Variants in MUC5B observed in about 807,000 individuals in gnomAD.
MUC5B encodes the protein mucin-5B.
In MUC5B, 116 loss-of-function variants were observed where a neutral mutation model predicts 376.9. The observed-to-expected ratio is 0.31, with a 90% CI of 0.26 to 0.36. MUC5B has a LOEUF of 0.36. Ranked by LOEUF, MUC5B falls within the 10% of genes least tolerant of loss-of-function variation. MUC5B has a pLI of 1.00. For missense variants in MUC5B, 7,165 were observed against 7,769.9 expected (o/e 0.92, Z 2.93); for synonymous variants, 3,517 against 3,390.9 (o/e 1.04, Z -1.29).
chr11:1,255,320 T>G, intron 36 of MUC5B, 54 bp downstream of exon 36: 1 of 1,514,372 alleles, frequency 6.6e-7, no homozygotes, highest in South Asian at 1.2e-5. Context: ...CCCGCCCGCA[T>G]GCACGCACGC....
At position 1,245,543 on chromosome 11, in the gene MUC5B, C is replaced by T. The variant is rs1002011208; in HGVS notation, c.8663C>T (p.Pro2888Leu). Reference sequence around the variant, plus strand: ...TGGCTGGACTACAGCTACCCCATGCCGGGGCCCTCTGGCGGGGACTTTGAC... The same window carrying T: ...TGGCTGGACTACAGCTACCCCATGCTGGGGCCCTCTGGCGGGGACTTTGAC... The part of the protein sequence containing the change: ...SEWLDYSYPM[P>L]GPSGGDFDTY... Residue 2888 changes from proline (P) to leucine (L), a missense_variant, in exon 31 of 49, where the codon CCG becomes CTG. Physicochemically the swap from Pro to Leu is moderately conservative, Grantham distance 98 (BLOSUM62 -3). Around this residue, in one of 31 missense-constraint regions of MUC5B, gnomAD observed 57 missense variants for 167.2 expected, o/e 0.34. Transcript: ENST00000529681. 2.2e-5 allele frequency: 34 copies of T among 1,556,188 alleles called. 2 individuals are homozygous for T. In the Admixed American group the frequency reaches 2.8e-4, roughly 13 times the overall value.
In MUC5B at chr11:1,250,217, C is replaced by A. The variant is rs772939463; in HGVS notation, c.13337C>A (p.Thr4446Asn). ...GCCACCCCGTCCTCCACCCCAGGGACCACCTGGATCCTCACAGAGCCGAGC... is the reference window on the plus strand; with the variant it reads ...GCCACCCCGTCCTCCACCCCAGGGAACACCTGGATCCTCACAGAGCCGAGC... The part of the protein sequence containing the change: ...STATPSSTPG[T>N]TWILTEPSTT... Residue 4446 changes from threonine (T) to asparagine (N), a missense_variant, in exon 31 of 49, where the codon ACC (threonine) becomes AAC (asparagine). Thr to Asn is a moderately conservative substitution (Grantham distance 65, BLOSUM62 0). Transcript: ENST00000529681. 2.5e-6 allele frequency: 4 copies of A among 1,609,372 alleles called. No homozygotes were observed. The Admixed American group carries it at 5.0e-5, about 20-fold the overall frequency.
In MUC5B at chr11:1,257,640, C is replaced by T; in HGVS notation, c.16380C>T (p.Cys5460=). 6.3e-7 allele frequency: 1 copy of T among 1,597,992 alleles called. No homozygotes were observed. The highest frequency in any genetic ancestry group is 8.5e-7 in the Non-Finnish European group (1 of 1,177,916). ...PCDAQGQPPP[C]NRPGFVTVTR... ...ACGCCCAGGGTCAGCCCCCGCCGTG[C>T]AACCGTCCCGGCTTCGTAACCGTGA... Residue 5460 remains cysteine (C), a synonymous_variant, in exon 41 of 49, where the codon TGC becomes TGT. Coordinates refer to ENST00000529681, the MANE Select transcript of MUC5B (RefSeq NM_002458.3). The surrounding 1 kb of genome is among the most constrained non-coding windows in gnomAD (Gnocchi z 8.9).
chr11:1,232,997 G>A lies in MUC5B; in HGVS notation c.2066-16G>A. On this transcript the variant is annotated splice_polypyrimidine_tract_variant and intron_variant, in intron 17 of 48. Coordinates refer to ENST00000529681, the MANE Select transcript of MUC5B (RefSeq NM_002458.3). ...CTCGGCCGCTGACCTGTCCCCCCTG[G>A]CCCCACCGACCACAGCCAAGTACAT... is the stretch of plus-strand genomic sequence containing the variant. 1 of 1,563,758 alleles carries A rather than the reference G, an allele frequency of 6.4e-7. No individual in the cohort carries two copies. The highest frequency in any genetic ancestry group is 8.6e-7 in the Non-Finnish European group (1 of 1,158,270).
At position 1,234,398 on chromosome 11, in the gene MUC5B, T is replaced by A; in HGVS notation, c.2478+93T>A. 2.7e-6 allele frequency: 4 copies of A among 1,495,780 alleles called. No individual in the cohort carries two copies. 92.7% of individuals were successfully genotyped at this position (1,495,780 alleles called of 1,614,324 possible). A position where few individuals can be genotyped will look rare whatever the true frequency, so the allele number is the denominator to read the frequency against. On this transcript the variant is annotated intron_variant, in intron 20 of 48. Coordinates refer to ENST00000529681, the MANE Select transcript of MUC5B (RefSeq NM_002458.3). The surrounding 1 kb of genome is among the most constrained non-coding windows in gnomAD (Gnocchi z 6.3). ...GGGATCTGGTGGTCCTGGAGACACT[T>A]ACCCACCTGGAAGCTCCGCCCTGGC...
rs372174388 is a variant in MUC5B, at chr11:1,251,298, G to A, written c.14418G>A (p.Thr4806=). The A allele has an allele frequency of 1.4e-5, 22 of 1,611,304 alleles. No individual in the cohort carries two copies. Among genetic ancestry groups the A allele is most frequent in the Middle Eastern group, 1.6e-4 (1 of 6,062 alleles). The change falls in exon 31 of 49, where the codon ACG becomes ACA. Residue 4806 remains threonine (T), a synonymous_variant. Coordinates refer to ENST00000529681, the MANE Select transcript of MUC5B (RefSeq NM_002458.3). The stretch of plus-strand genomic sequence containing the variant: ...CCATGACAAGGGCCACCAATTCCAC[G>A]GCCACACCCTCCTCCACTCTGGGGA... The part of the protein sequence containing the change: ...TATMTRATNS[T]ATPSSTLGTT...
In MUC5B at chr11:1,242,642, G is replaced by C; in HGVS notation, c.5762G>C (p.Gly1921Ala). 6.2e-7 allele frequency: 1 copy of C among 1,613,500 alleles called. No individual in the cohort carries two copies. The highest frequency in any genetic ancestry group is 8.5e-7 in the Non-Finnish European group (1 of 1,179,726). ...TTTATTTAST[G>A]STATPTSTLR... Reference sequence around the variant, plus strand: ...ACAGCCACTACGACTGCGTCCACTGGATCCACGGCCACCCCGACCTCCACC... The same window carrying C: ...ACAGCCACTACGACTGCGTCCACTGCATCCACGGCCACCCCGACCTCCACC... The change falls in exon 31 of 49, where the codon GGA becomes GCA. Residue 1921 changes from glycine (G) to alanine (A), a missense_variant. By Grantham distance (60) the Gly-to-Ala change is moderately conservative (BLOSUM62 0). This residue lies in a region of MUC5B where 897 missense variants were observed against 779.6 expected (regional missense o/e 1.15). Transcript: ENST00000529681.
Position 1,231,002 on chromosome 11 carries a change from G to A in MUC5B, c.1537G>A (p.Ala513Thr). 1 of 1,591,712 alleles carries A rather than the reference G, an allele frequency of 6.3e-7. No individual in the cohort carries two copies. The highest frequency in any genetic ancestry group is 8.5e-7 in the Non-Finnish European group (1 of 1,170,330). ...NSIYTQLPLS[A>T]ANITLFTPSS... Reference sequence around the variant, plus strand: ...CATCTACACGCAGCTGCCCCTGTCGGCAGGTATGTGGCTCTCCCAGGACGG... The same window carrying A: ...CATCTACACGCAGCTGCCCCTGTCGACAGGTATGTGGCTCTCCCAGGACGG... The change falls in exon 13 of 49, where the codon GCA becomes ACA. Residue 513 changes from alanine to threonine, a missense_variant. Ala to Thr is a moderately conservative substitution (Grantham distance 58). Around this residue, in one of 31 missense-constraint regions of MUC5B, gnomAD observed 640 missense variants for 733.0 expected, o/e 0.87. Coordinates refer to ENST00000529681, the MANE Select transcript of MUC5B (RefSeq NM_002458.3).
chr11:1,229,047 G>C, intron 8 of MUC5B, 123 bp from the exon 9 acceptor site: 14 of 1,237,326 alleles, frequency 1.1e-5, no homozygotes, highest in Non-Finnish European at 1.4e-5. Context: ...GGGCCACCCT[G>C]GGGCCTAGCT....
intron 31 of MUC5B, among the ~76,000 whole-genome samples, chr11:1,252,038 T>C (rs1030159740): frequency 4.6e-5 from 7 of 151,860 alleles, no homozygotes; most frequent in Admixed American, 4.6e-4. Context: ...CCATCCCCAC[T>C]GGCCACACTG....
Position 1,255,132 on chromosome 11 carries a change from C to G in MUC5B, c.15756C>G (p.Val5252=). 1 of 1,577,298 alleles carries G rather than the reference C, an allele frequency of 6.3e-7. No homozygotes were observed. Among genetic ancestry groups the G allele is most frequent in the African/African-American group, 1.4e-5 (1 of 74,030 alleles). ...AGGACATGGCCAAGACGTGGCTGGT[C>G]CCCGACAGCAGAAAGGATGGCTGCT... ...SCKDMAKTWL[V]PDSRKDGCWA... The change falls in exon 36 of 49, where the codon GTC becomes GTG. Residue 5252 remains valine, a synonymous_variant. Transcript: ENST00000529681.
Position 1,261,500 on chromosome 11 carries a change from C to T in MUC5B, c.17181C>T (p.His5727=), listed in dbSNP as rs1376894362. ...LHCPNGSAIL[H]TYTHVDECGC... ...GTCCTAACGGCTCAGCCATCCTGCA[C>T]ACCTACACCCACGTGGATGAGTGTG... The change falls in exon 49 of 49, where the codon CAC becomes CAT. Residue 5727 remains histidine, a synonymous_variant. Coordinates refer to ENST00000529681, the MANE Select transcript of MUC5B (RefSeq NM_002458.3). 6.3e-7 allele frequency: 1 copy of T among 1,599,820 alleles called. No individual in the cohort carries two copies. The highest frequency in any genetic ancestry group is 8.5e-7 in the Non-Finnish European group (1 of 1,174,410).
At position 1,249,311 on chromosome 11, in the gene MUC5B, T is replaced by C. The variant is rs544329786; in HGVS notation, c.12431T>C (p.Met4144Thr). The C allele has an allele frequency of 9.4e-4, 1,522 of 1,610,856 alleles. 10 individuals carry two copies. The highest frequency in any genetic ancestry group is 3.6e-4 in the East Asian group (16 of 44,878). Residue 4144 changes from methionine to threonine, a missense_variant, in exon 31 of 49, where the codon ATG becomes ACG. Around this residue, in one of 31 missense-constraint regions of MUC5B, gnomAD observed 47 missense variants for 88.4 expected, o/e 0.53. Transcript: ENST00000529681. Reference sequence around the variant, plus strand: ...GAGTGGCTGGACTACAGCTACCCCATGCCGGGGCCCTCTGGCGGGGACTTT... The same window carrying C: ...GAGTGGCTGGACTACAGCTACCCCACGCCGGGGCCCTCTGGCGGGGACTTT... ...WSEWLDYSYP[M>T]PGPSGGDFDT...
At chr11:1,254,389 T>TC in intron 34 of MUC5B, 38 bp downstream of exon 34, 1 of 1,590,998 alleles carries the variant, frequency 6.3e-7, no homozygotes, top group East Asian at 2.2e-5. Flanking sequence ...GTTGGCCCAG[T>TC]CCCAACCGCA....
In MUC5B at chr11:1,247,644, G is replaced by C; in HGVS notation, c.10764G>C (p.Pro3588=). 1.2e-6 allele frequency: 2 copies of C among 1,606,772 alleles called. No homozygotes were observed. Among genetic ancestry groups the C allele is most frequent in the Non-Finnish European group, 1.7e-6 (2 of 1,176,996 alleles). Residue 3588 remains proline, a synonymous_variant, in exon 31 of 49, where the codon CCG becomes CCC. Coordinates refer to ENST00000529681, the MANE Select transcript of MUC5B (RefSeq NM_002458.3). ...SEWLDYSYPM[P]GPSGGDFDTY... is the part of the protein sequence containing the mutation. The stretch of plus-strand genomic sequence containing the variant: ...GGCTGGACTACAGCTACCCCATGCC[G>C]GGGCCCTCTGGCGGGGACTTTGACA...
At position 1,230,529 on chromosome 11, in the gene MUC5B, C is replaced by G. The variant is rs779700720; in HGVS notation, c.1399C>G (p.Arg467Gly). Reference protein sequence around the residue: ...DSSFTVLAELRKCGLTDNENC... With the variant: ...DSSFTVLAELGKCGLTDNENC... ...CAGCTTCACCGTGCTGGCTGAGCTGCGGAAGTGCGGCCTGACGGACAACGA... is the reference window on the plus strand; with the variant it reads ...CAGCTTCACCGTGCTGGCTGAGCTGGGGAAGTGCGGCCTGACGGACAACGA... The change falls in exon 12 of 49, where the codon CGG becomes GGG. Residue 467 changes from arginine to glycine, a missense_variant. Transcript: ENST00000529681. 1.1e-5 allele frequency: 18 copies of G among 1,611,200 alleles called. No individual in the cohort carries two copies. The highest frequency in any genetic ancestry group is 2.7e-5 in the African/African-American group (2 of 74,940).
rs1862101356 is a variant in MUC5B at position 1,234,069 on chromosome 11, G to C, written c.2378-136G>C. The C allele has an allele frequency of 1.2e-6, 1 of 830,416 alleles. No homozygotes were observed. Among genetic ancestry groups the C allele is most frequent in the Non-Finnish European group, 2.0e-6 (1 of 510,662 alleles). The allele number at this position is 830,416 out of a possible 1,614,324, so 51.4% of individuals were successfully genotyped here. A position where few individuals can be genotyped will look rare whatever the true frequency, so the allele number is the denominator to read the frequency against. ...TGTGGCCGGGGTGTCCTGGGGTTGG[G>C]GGCTGCAGGTGTCATGGAAGCTTTG... On this transcript the variant is annotated intron_variant, in intron 19 of 48. Coordinates refer to ENST00000529681, the MANE Select transcript of MUC5B (RefSeq NM_002458.3). This position sits in a 1 kb window ranked among gnomAD's most constrained non-coding sequence, Gnocchi z 6.3.
Position 1,249,355 on chromosome 11 carries a change from C to T in MUC5B, c.12475C>T (p.Arg4159Cys), listed in dbSNP as rs577786693. The T allele has an allele frequency of 1.4e-5, 22 of 1,610,760 alleles. No individual in the cohort carries two copies. The highest frequency in any genetic ancestry group is 1.3e-4 in the Admixed American group (8 of 59,972). The part of the protein sequence containing the change: ...GGDFDTYSNI[R>C]AAGGAVCEQP... ...GGACTTTGACACCTACTCCAACATC[C>T]GTGCGGCCGGAGGGGCCGTCTGTGA... Residue 4159 changes from arginine to cysteine, a missense_variant, in exon 31 of 49, where the codon CGT becomes TGT. Physicochemically the swap from Arg to Cys is radical, Grantham distance 180 (BLOSUM62 -3). Around this residue, in one of 31 missense-constraint regions of MUC5B, gnomAD observed 47 missense variants for 88.4 expected, o/e 0.53. Coordinates refer to ENST00000529681, the MANE Select transcript of MUC5B (RefSeq NM_002458.3).
At position 1,258,281 on chromosome 11, in the gene MUC5B, G is replaced by A. The variant is rs761229136; in HGVS notation, c.16556-49G>A. 13 of 1,603,732 alleles carry A rather than the reference G, an allele frequency of 8.1e-6. No homozygotes were observed. Among genetic ancestry groups the A allele is most frequent in the Non-Finnish European group, 1.7e-6 (2 of 1,175,544 alleles). ...AGTGCAGGATGGTGGGGGCGCTGGA[G>A]CACATGCTCCCCACCACTTGTCGAG... On this transcript the variant is annotated intron_variant, in intron 42 of 48. Coordinates refer to ENST00000529681, the MANE Select transcript of MUC5B (RefSeq NM_002458.3). This position sits in a 1 kb window ranked among gnomAD's most constrained non-coding sequence, Gnocchi z 5.5.
Sources: gnomAD v4.1 joint callset for allele counts (sites outside exome capture counted in the v4.1 genomes callset) on GRCh38, gnomAD v4.1.1 for gene constraint, gnomAD v4.1.1 regional missense constraint, Gnocchi (gnomAD v3.1) non-coding constraint, MANE v1.5 for transcripts, NCBI Gene and HGNC (gene_info 2026-07-23, HGNC 2026-07-21) for gene names.